Variants in NRXN3 observed in about 807,000 individuals in gnomAD.
The protein encoded by NRXN3 is neurexin 3.
In NRXN3, 32 loss-of-function variants were observed where a neutral mutation model predicts 137.6. The ratio of observed to expected loss-of-function variants is 0.23; its 90% confidence interval spans 0.18 to 0.31. NRXN3 has a LOEUF of 0.31. Ranked by LOEUF, NRXN3 falls within the 10% of genes least tolerant of loss-of-function variation. The probability of loss-of-function intolerance (pLI) is 1.00; values close to 1 mark genes in which losing one functional copy is unlikely to be tolerated. For synonymous variants in NRXN3, 798 were observed against 784.5 expected (o/e 1.02, Z -0.29); for missense variants, 1,574 against 2,062.5 (o/e 0.76, Z 4.59).
At position 78,966,104 on chromosome 14, in the gene NRXN3, C is replaced by T. The variant is rs765527436; in HGVS notation, c.2475C>T (p.Ser825=). 1.9e-5 allele frequency: 31 copies of T among 1,614,058 alleles called. No homozygotes were observed. Among genetic ancestry groups the T allele is most frequent in the East Asian group, 8.9e-5 (4 of 44,882 alleles). ...TCATGACTGAGAAACGCTACATCTC[C>T]GTTGTCCCCTCCAGCTTTATTGGCC... ...TGIMTEKRYI[S]VVPSSFIGHL... is the part of the protein sequence containing the mutation. The change falls in exon 12 of 21, where the codon TCC becomes TCT. Residue 825 remains serine, a synonymous_variant. Coordinates refer to ENST00000335750, the MANE Select transcript of NRXN3 (RefSeq NM_001330195.2).
chr14:78,732,914 T>C lies in NRXN3; in HGVS notation c.2044+17775T>C, dbSNP rs115853541. 4.7e-3 allele frequency among the ~76,000 whole-genome samples: 720 copies of C among 152,288 alleles called. 8 individuals carry two copies. Among genetic ancestry groups the C allele is most frequent in the African/African-American group, 0.017 (696 of 41,566 alleles). On this transcript the variant is annotated intron_variant, in intron 8 of 20. Transcript: ENST00000335750. ...GTAAGGAATGAATTTAGTTTTTTGC[T>C]TTTTGGAAAATTTAGAATTACTGAA...
chr14:78,968,454 C>T (rs1380454393), intron 14 of NRXN3, 108 bp downstream of exon 14: 6 of 984,072 alleles, frequency 6.1e-6, no homozygotes, highest in Non-Finnish European at 7.4e-6. Context: ...CTGTCTCATT[C>T]TCATTTGCCA....
chr14:79,388,131 A>T (rs2094704440), intron 15 of NRXN3, among the ~76,000 whole-genome samples: 1 of 151,942 alleles, frequency 6.6e-6, no homozygotes, highest in African/African-American at 2.4e-5. Context: ...TTTTTTAAAA[A>T]GTGTGTGGCG....
intron 10 of NRXN3, among the ~76,000 whole-genome samples, chr14:78,948,278 G>A (rs1272153460): frequency 6.6e-6 from 1 of 152,212 alleles, no homozygotes; most frequent in East Asian, 1.9e-4. Flanking sequence ...AGGATTTTCT[G>A]CTTAAAACAT....
intron 4 of NRXN3, among the ~76,000 whole-genome samples, chr14:78,358,540 C>A (rs919166382): frequency 4.6e-5 from 7 of 152,190 alleles, no homozygotes; most frequent in Non-Finnish European, 1.0e-4. Context: ...TTGGCTTCTC[C>A]AATGCATGTT....
chr14:79,748,192 TTAAAA>T (rs1358452491), intron 19 of NRXN3, among the ~76,000 whole-genome samples: 7 of 151,930 alleles, frequency 4.6e-5, no homozygotes, highest in African/African-American at 1.7e-4. Flanking sequence ...AGCCTGGAAC[TTAAAA>T]TTAAATTAAG....
chr14:78,917,041 A>G (rs187375622), intron 10 of NRXN3, among the ~76,000 whole-genome samples: 2 of 152,310 alleles, frequency 1.3e-5, no homozygotes, highest in East Asian at 1.9e-4. Flanking sequence ...TAAAGACCCT[A>G]TCTTCAAATA....
chr14:78,828,944 C>G (rs919876345), intron 10 of NRXN3, among the ~76,000 whole-genome samples: 1 of 152,106 alleles, frequency 6.6e-6, no homozygotes, highest in Admixed American at 6.5e-5. Context: ...GCCCTGGAAG[C>G]TTTTCTGAGA....
chr14:78,625,330 C>T (rs891893630), intron 4 of NRXN3, among the ~76,000 whole-genome samples: 2 of 152,248 alleles, frequency 1.3e-5, no homozygotes, highest in Middle Eastern at 3.2e-3. Context: ...TCTCTCCCAA[C>T]TCACCATACC....
At chr14:79,224,144 G>GTTT (rs2070366899) in intron 15 of NRXN3, among the ~76,000 whole-genome samples, 1 of 152,122 alleles carries the variant, frequency 6.6e-6, no homozygotes, top group South Asian at 2.1e-4. Context: ...TCGTTAAACA[G>GTTT]TTTTAGATGC....
intron 2 of NRXN3, among the ~76,000 whole-genome samples, chr14:78,253,796 C>G (rs1256757685): frequency 7.7e-6 from 1 of 130,106 alleles, no homozygotes. Flanking sequence ...CTCCCCGTGC[C>G]CCGCCCCCCC....
intron 19 of NRXN3, among the ~76,000 whole-genome samples, chr14:79,746,462 G>A (rs1461618561): frequency 1.3e-5 from 2 of 152,110 alleles, no homozygotes; most frequent in African/African-American, 2.4e-5. Context: ...CTTGGAAGCT[G>A]CTCTTGTCAT....
At chr14:79,472,776 T>A (rs945451993) in intron 16 of NRXN3, among the ~76,000 whole-genome samples, 2 of 152,106 alleles carry the variant, frequency 1.3e-5, no homozygotes, top group African/African-American at 4.8e-5. Flanking sequence ...ACACTCACCT[T>A]CATTTATACA....
intron 15 of NRXN3, among the ~76,000 whole-genome samples, chr14:79,304,628 T>C (rs2085725021): frequency 4.6e-5 from 7 of 152,060 alleles, no homozygotes; most frequent in Admixed American, 4.6e-4. Flanking sequence ...AAATTCCTAG[T>C]TATGTAATTA....
At chr14:78,322,855 C>T (rs571276249) in intron 4 of NRXN3, among the ~76,000 whole-genome samples, 40 of 152,154 alleles carry the variant, frequency 2.6e-4, no homozygotes, top group African/African-American at 9.2e-4. Context: ...GACACTTTGC[C>T]TGGCCACCTC....
intron 15 of NRXN3, among the ~76,000 whole-genome samples, chr14:79,033,035 C>T (rs1595158500): frequency 6.6e-6 from 1 of 152,022 alleles, no homozygotes; most frequent in East Asian, 1.9e-4. Context: ...CTTCGCACTG[C>T]CCTTTTCTCA....
rs377666227 is a variant in NRXN3 at position 78,557,222 on chromosome 14, AT to A, written c.758-87885del. ...ATCACACCTGGCTATATTTTTTTCT[AT>A]TTTTTTTTTTTTGTAGAGATGCAGT... is the stretch of plus-strand genomic sequence containing the variant. On this transcript the variant is annotated intron_variant, in intron 4 of 20. Coordinates refer to ENST00000335750, the MANE Select transcript of NRXN3 (RefSeq NM_001330195.2). 2.4e-3 allele frequency among the ~76,000 whole-genome samples: 327 copies of A among 136,440 alleles called. 1 individual carries two copies. Among genetic ancestry groups the A allele is most frequent in the South Asian group, 0.01 (43 of 4,152 alleles). The allele number at this position is 136,440 out of a possible 152,430, so 89.5% of individuals were successfully genotyped here.
chr14:78,277,335 C>T (rs1456668605), intron 2 of NRXN3, among the ~76,000 whole-genome samples: 3 of 152,200 alleles, frequency 2.0e-5, no homozygotes, highest in Admixed American at 1.3e-4. Context: ...GGGAGACGCT[C>T]ACCCAGCTTC....
intron 4 of NRXN3, among the ~76,000 whole-genome samples, chr14:78,574,461 T>C (rs2096917820): frequency 6.6e-6 from 1 of 152,246 alleles, no homozygotes; most frequent in Non-Finnish European, 1.5e-5. Context: ...GGGGTGGAGC[T>C]GCCCAAGGCT....
Sources: allele counts gnomAD v4.1 joint callset (sites outside exome capture counted in the v4.1 genomes callset), GRCh38; gene constraint gnomAD v4.1.1; transcripts MANE v1.5; gene names NCBI Gene and HGNC (gene_info 2026-07-23, HGNC 2026-07-21).